Variants in STK32B observed in about 807,000 individuals in gnomAD.
The protein encoded by STK32B is serine/threonine-protein kinase 32B.
STK32B carries 43 observed loss-of-function variants against 52.6 expected under a neutral mutation model. The ratio of observed to expected loss-of-function variants is 0.82; its 90% CI spans 0.64 to 1.05. The LOEUF is 1.05. Ranked by LOEUF, STK32B falls within the 50% of genes least tolerant of loss-of-function variation. The pLI is 0.00. For synonymous variants in STK32B, 238 were observed against 204.3 expected (o/e 1.17, Z -1.41); for missense variants, 621 against 534.6 (o/e 1.16, Z -1.59).
chr4:5,030,322 T>C, the STK32B span, among the ~76,000 whole-genome samples: 1 of 152,196 alleles, frequency 6.6e-6, no homozygotes, highest in East Asian at 1.9e-4. Context: ...TTATCAGATT[T>C]GGGATTTCCT....
chr4:5,316,179 CTAAA>C (rs1316209439), intron 3 of STK32B, among the ~76,000 whole-genome samples: 1 of 68,726 alleles, frequency 1.5e-5, no homozygotes, highest in Non-Finnish European at 2.2e-5. Context: ...ATATATATAA[CTAAA>C]TATATATATT....
intron 5 of STK32B, among the ~76,000 whole-genome samples, chr4:5,415,858 G>A (rs1577466993): frequency 6.6e-6 from 1 of 152,112 alleles, no homozygotes; most frequent in East Asian, 1.9e-4. Flanking sequence ...TTCTCAGCAT[G>A]CCTCAATGCA....
rs3072775 is a variant in STK32B, at chr4:5,059,052, C to CTTTTT, written c.52+7162_52+7166dup. On this transcript the variant is annotated intron_variant, in intron 1 of 11. Transcript: ENST00000282908. ...AGGCGTGAGCCACCACGCCCAGCTG[C>CTTTTT]TTTTTTTTTTTTTTTTTTTTTTTTT... Among the ~76,000 whole-genome samples, 244 of 86,884 alleles carry CTTTTT rather than the reference C, an allele frequency of 2.8e-3. 27 individuals are homozygous for CTTTTT. The highest frequency in any genetic ancestry group is 3.5e-3 in the East Asian group (9 of 2,584). 57.0% of individuals were successfully genotyped at this position (86,884 alleles called of 152,430 possible).
chr4:5,090,407 G>A (rs1475781685), intron 1 of STK32B, among the ~76,000 whole-genome samples: 20 of 115,028 alleles, frequency 1.7e-4, no homozygotes, highest in South Asian at 3.0e-4. Context: ...ACAGAGTCTC[G>A]CTCTGTCACC....
intron 1 of STK32B, among the ~76,000 whole-genome samples, chr4:5,122,556 T>C (rs1164221355): frequency 1.1e-4 from 15 of 134,866 alleles, no homozygotes; most frequent in African/African-American, 5.5e-4. Context: ...TACTCACTCA[T>C]TCACTCACTC....
intron 4 of STK32B, among the ~76,000 whole-genome samples, chr4:5,348,132 T>C (rs1364291226): frequency 6.6e-6 from 1 of 151,096 alleles, no homozygotes; most frequent in African/African-American, 2.4e-5. Context: ...TTAGGAGAGG[T>C]TCCCTAATGC....
intron 4 of STK32B, among the ~76,000 whole-genome samples, chr4:5,344,748 C>G (rs1733334576): frequency 6.6e-6 from 1 of 150,978 alleles, no homozygotes; most frequent in Non-Finnish European, 1.5e-5. Flanking sequence ...TTCCAAAACA[C>G]TAGCCAACAC....
At chr4:5,322,613 T>A (rs931511400) in intron 3 of STK32B, among the ~76,000 whole-genome samples, 2 of 152,196 alleles carry the variant, frequency 1.3e-5, no homozygotes, top group African/African-American at 4.8e-5. Context: ...GGTGGCTGTT[T>A]CAAATAGTTC....
At chr4:5,474,731 G>A (rs140233074) in intron 11 of STK32B, among the ~76,000 whole-genome samples, 2 of 152,280 alleles carry the variant, frequency 1.3e-5, no homozygotes, top group African/African-American at 4.8e-5. Flanking sequence ...TGGCCATGGG[G>A]GAGCTACCTG....
chr4:5,088,179 C>T (rs778669118), intron 1 of STK32B, among the ~76,000 whole-genome samples: 4 of 152,074 alleles, frequency 2.6e-5, no homozygotes, highest in Non-Finnish European at 5.9e-5. Flanking sequence ...TTAAACAGCA[C>T]ATTCCTAAAT....
At chr4:5,100,407 TC>T (rs1560150995) in intron 1 of STK32B, among the ~76,000 whole-genome samples, 2,060 of 142,646 alleles carry the variant, frequency 0.014, 59 homozygotes, top group African/African-American at 0.051. Flanking sequence ...CTTTCCTTCC[TC>T]CCTCCCTCCT....
At chr4:5,257,517 C>A (rs1726407009) in intron 3 of STK32B, among the ~76,000 whole-genome samples, 1 of 152,220 alleles carries the variant, frequency 6.6e-6, no homozygotes, top group African/African-American at 2.4e-5. Context: ...CATCATCAGC[C>A]CTATGGGTCT....
In STK32B at chr4:5,051,859, G is replaced by A. The variant is rs1741798061; in HGVS notation, c.-5G>A. The A allele has an allele frequency of 1.3e-6, 2 of 1,597,188 alleles. No homozygotes were observed. Among genetic ancestry groups the A allele is most frequent in the African/African-American group, 1.3e-5 (1 of 74,264 alleles). ...GGCATGTAGCAGCGGCAGCAACGGCGGAATATGGGCGGGAACCACTCCCAC... is the reference window on the plus strand; with the variant it reads ...GGCATGTAGCAGCGGCAGCAACGGCAGAATATGGGCGGGAACCACTCCCAC... On this transcript the variant is annotated 5_prime_UTR_variant, in exon 1 of 12. Coordinates refer to ENST00000282908, the MANE Select transcript of STK32B (RefSeq NM_018401.3).
At chr4:5,456,386 G>C (rs555153018) in intron 7 of STK32B, among the ~76,000 whole-genome samples, 62 of 152,358 alleles carry the variant, frequency 4.1e-4, no homozygotes, top group African/African-American at 1.5e-3. Flanking sequence ...AGTTCGGCCC[G>C]GACAGGGAAA....
At chr4:5,205,711 T>TGC (rs1722528484) in intron 3 of STK32B, among the ~76,000 whole-genome samples, 2 of 122,618 alleles carry the variant, frequency 1.6e-5, no homozygotes, top group Admixed American at 1.5e-4. Context: ...CGCGTGTGTG[T>TGC]GTGTGTGTGT....
intron 1 of STK32B, among the ~76,000 whole-genome samples, chr4:5,069,455 G>T (rs1468589584): frequency 6.6e-6 from 1 of 152,124 alleles, no homozygotes; most frequent in Non-Finnish European, 1.5e-5. Flanking sequence ...AGATGTACCA[G>T]GACCCCTGTC....
intron 4 of STK32B, chr4:5,345,376 C>T (rs990431399): frequency 6.7e-6 from 1 of 150,072 alleles, no homozygotes; most frequent in Non-Finnish European, 1.5e-5. Context: ...CTTTAAATTC[C>T]TCGTTCCTGT....
chr4:5,035,412 G>C, the STK32B span, among the ~76,000 whole-genome samples: 1 of 152,196 alleles, frequency 6.6e-6, no homozygotes, highest in Admixed American at 6.5e-5. Flanking sequence ...TGGGTAATGG[G>C]CTGGCATATC....
At chr4:5,253,524 G>C (rs1470860932) in intron 3 of STK32B, among the ~76,000 whole-genome samples, 2 of 152,054 alleles carry the variant, frequency 1.3e-5, no homozygotes, top group African/African-American at 4.8e-5. Flanking sequence ...ACAGGTGCGT[G>C]CCACTACTGC....
Sources: gnomAD v4.1 joint callset for allele counts (sites outside exome capture counted in the v4.1 genomes callset) on GRCh38, gnomAD v4.1.1 for gene constraint, MANE v1.5 for transcripts, NCBI Gene and HGNC (gene_info 2026-07-23, HGNC 2026-07-21) for gene names.